Variants in ARHGAP11B observed in about 807,000 individuals in gnomAD.
The protein encoded by ARHGAP11B is Rho GTPase activating protein 11B, also known as inactive Rho GTPase-activating protein 11B.
ARHGAP11B carries 14 observed loss-of-function variants against 27.6 expected under a neutral mutation model. The observed-to-expected ratio is 0.51, with a 90% CI of 0.34 to 0.79. The LOEUF is 0.79. Among genes scored for constraint, ARHGAP11B ranks in the 30% least tolerant of loss-of-function variants. The pLI, the probability that ARHGAP11B is intolerant of heterozygous loss-of-function variation, is 0.02. For synonymous variants in ARHGAP11B, 82 were observed against 114.1 expected, an observed-to-expected ratio of 0.72 and a Z score of 1.80; for missense variants, 245 against 320.1, an observed-to-expected ratio of 0.77 and a Z score of 1.79.
At chr15:30,635,145 C>T (rs748562871) in exon 5 of ARHGAP11B, 5 of 1,613,386 alleles carry the variant, frequency 3.1e-6, no homozygotes, top group Admixed American at 1.7e-5. Flanking sequence ...CTTCTTCAGA[C>T]AAGTGAAGGA....
intron 7 of ARHGAP11B, among the ~76,000 whole-genome samples, chr15:30,640,172 T>C (rs2060307070): frequency 7.3e-6 from 1 of 136,776 alleles, no homozygotes; most frequent in Admixed American, 7.7e-5. Context: ...ATTTGTTGAA[T>C]TGAGGTTGCC....
chr15:30,639,282 A>C (rs1202692922), intron 7 of ARHGAP11B, among the ~76,000 whole-genome samples: 1 of 151,772 alleles, frequency 6.6e-6, no homozygotes, highest in African/African-American at 2.4e-5. Flanking sequence ...AAAAGCAAAA[A>C]TAATATTTAG....
intron 6 of ARHGAP11B, among the ~76,000 whole-genome samples, chr15:30,636,339 T>C (rs2060279478): frequency 6.6e-6 from 1 of 151,930 alleles, no homozygotes; most frequent in African/African-American, 2.4e-5. Flanking sequence ...GAAGGAAATA[T>C]TATCAAGGAA....
At chr15:30,628,965 T>C (rs1397034319) in intron 1 of ARHGAP11B, among the ~76,000 whole-genome samples, 1 of 152,050 alleles carries the variant, frequency 6.6e-6, no homozygotes, top group East Asian at 1.9e-4. Flanking sequence ...TTTTTACATT[T>C]GGTTTGGCTG....
intron 1 of ARHGAP11B, among the ~76,000 whole-genome samples, chr15:30,629,547 C>T (rs966847627): frequency 2.6e-5 from 4 of 151,870 alleles, no homozygotes; most frequent in Admixed American, 1.3e-4. Flanking sequence ...AGTGAGACTC[C>T]GTCTCAAAAA....
exon 6 of ARHGAP11B, chr15:30,635,602 A>G: frequency 3.1e-6 from 5 of 1,613,538 alleles, no homozygotes; most frequent in Non-Finnish European, 2.5e-6. Context: ...CTCCTGGTGA[A>G]TATAAGAGAA....
chr15:30,642,542 A>G (rs2060321861), intron 7 of ARHGAP11B, among the ~76,000 whole-genome samples: 1 of 151,964 alleles, frequency 6.6e-6, no homozygotes, highest in Non-Finnish European at 1.5e-5. Flanking sequence ...TCAGATTCCA[A>G]CTTGTTTGCC....
At chr15:30,637,410 A>G (rs1204498768) in intron 6 of ARHGAP11B, among the ~76,000 whole-genome samples, 2 of 152,064 alleles carry the variant, frequency 1.3e-5, no homozygotes, top group Non-Finnish European at 2.9e-5. Context: ...ATAAGATTCT[A>G]TCTCCATAGT....
At chr15:30,645,095 G>C (rs1339483144) in intron 8 of ARHGAP11B, among the ~76,000 whole-genome samples, 1 of 151,888 alleles carries the variant, frequency 6.6e-6, no homozygotes, top group African/African-American at 2.4e-5. Context: ...GGACATTTGA[G>C]AACGGGACTA....
chr15:30,626,955 T>G lies in ARHGAP11B; in HGVS notation c.129+6T>G, dbSNP rs1447913570. On this transcript the variant is annotated splice_donor_region_variant and intron_variant, in intron 1 of 10. Transcript: ENST00000428041. ...CAGCAGCCACGGAAATAGGGGTAAG[T>G]TCTGTGAAAAGGGATTTAGGTTTAA... is the stretch of plus-strand genomic sequence containing the variant. 6.2e-7 allele frequency: 1 copy of G among 1,612,448 alleles called. No homozygotes were observed. The highest frequency in any genetic ancestry group is 2.2e-5 in the East Asian group (1 of 44,808).
intron 1 of ARHGAP11B, among the ~76,000 whole-genome samples, chr15:30,628,621 T>A (rs1322267281): frequency 6.6e-6 from 1 of 152,122 alleles, no homozygotes; most frequent in Non-Finnish European, 1.5e-5. Flanking sequence ...CTTCATCTAA[T>A]GATAGTTGTC....
At chr15:30,643,938 T>G (rs1201268381) in intron 7 of ARHGAP11B, among the ~76,000 whole-genome samples, 1 of 152,024 alleles carries the variant, frequency 6.6e-6, no homozygotes, top group African/African-American at 2.4e-5. Context: ...CATGGTTTCT[T>G]CACATTTCTC....
exon 1 of ARHGAP11B, chr15:30,626,828 A>G (rs2060210841): frequency 6.2e-7 from 1 of 1,613,474 alleles, no homozygotes; most frequent in Admixed American, 1.7e-5. Context: ...GGAATGTGGG[A>G]TCAGAGGCTG....
At chr15:30,643,167 C>T (rs772329226) in intron 7 of ARHGAP11B, among the ~76,000 whole-genome samples, 24 of 151,918 alleles carry the variant, frequency 1.6e-4, no homozygotes, top group Non-Finnish European at 3.2e-4. Context: ...TCCAGGATGC[C>T]ACATTACAGT....
intron 1 of ARHGAP11B, among the ~76,000 whole-genome samples, chr15:30,629,633 A>G (rs923536914): frequency 6.6e-6 from 1 of 152,130 alleles, no homozygotes; most frequent in African/African-American, 2.4e-5. Context: ...TTTTCAGCTT[A>G]CAATATTTGT....
exon 9 of ARHGAP11B, chr15:30,646,125 T>C (rs1474404939): frequency 3.1e-5 from 31 of 1,004,348 alleles, no homozygotes; most frequent in Non-Finnish European, 3.7e-5. Context: ...GGATAAGTTA[T>C]AATTTCTGAA....
intron 1 of ARHGAP11B, 104 bp from the exon 2 acceptor site, chr15:30,630,599 T>G: frequency 1.9e-6 from 3 of 1,574,076 alleles, no homozygotes; most frequent in Non-Finnish European, 2.6e-6. Flanking sequence ...ATCATTTATT[T>G]CTGATTTTTT....
intron 4 of ARHGAP11B, among the ~76,000 whole-genome samples, chr15:30,634,781 C>T (rs1160422369): frequency 2.6e-5 from 4 of 150,986 alleles, no homozygotes. Flanking sequence ...TTGCTGCCTT[C>T]TGATACTTCC....
At chr15:30,635,627 G>C in exon 6 of ARHGAP11B, 1 of 1,613,498 alleles carries the variant, frequency 6.2e-7, no homozygotes, top group Non-Finnish European at 8.5e-7. Flanking sequence ...AAGACAACGT[G>C]TAGGAGGTAA....
Sources: gnomAD v4.1 joint callset for allele counts (sites outside exome capture counted in the v4.1 genomes callset) on GRCh38, gnomAD v4.1.1 for gene constraint, MANE v1.5 for transcripts, NCBI Gene and HGNC (gene_info 2026-07-23, HGNC 2026-07-21) for gene names.